PLA2G6: variants seen among roughly 807,000 people sequenced by gnomAD.
The protein encoded by PLA2G6 is phospholipase A2 group VI.
Under a neutral mutation model 83.8 loss-of-function variants are expected in PLA2G6, and 62 were observed. The observed-to-expected ratio is 0.74, with a 90% CI of 0.60 to 0.91. PLA2G6 has a LOEUF of 0.91. PLA2G6 is among the 40% of genes least tolerant of loss of function. The pLI is 0.00. For missense variants in PLA2G6, 944 were observed against 1,102.0 expected (o/e 0.86, Z 2.03); for synonymous variants, 417 against 449.8 (o/e 0.93, Z 0.92).
intron 14 of PLA2G6, among the ~76,000 whole-genome samples, chr22:38,114,041 C>G (rs1361543903): frequency 6.6e-6 from 1 of 152,202 alleles, no homozygotes; most frequent in African/African-American, 2.4e-5. Flanking sequence ...CATTTAATCT[C>G]CAGCCAGTCT....
intron 1 of PLA2G6, among the ~76,000 whole-genome samples, chr22:38,177,935 A>C (rs2090699735): frequency 6.6e-6 from 1 of 152,220 alleles, no homozygotes; most frequent in African/African-American, 2.4e-5. Flanking sequence ...GAAAGCTGAA[A>C]GAAGGTGGCT....
intron 12 of PLA2G6, among the ~76,000 whole-genome samples, chr22:38,117,813 G>A (rs979158761): frequency 2.6e-5 from 4 of 151,982 alleles, no homozygotes; most frequent in African/African-American, 9.7e-5. Flanking sequence ...CGAGGTGGGT[G>A]GATCACGAGG....
At chr22:38,150,066 A>C (rs1244137481) in intron 2 of PLA2G6, 3 of 151,478 alleles carry the variant, frequency 2.0e-5, no homozygotes, top group African/African-American at 4.9e-5. Context: ...AAAAAAAAAA[A>C]AACACATAGA....
chr22:38,149,564 G>C (rs970428686), intron 2 of PLA2G6: 4 of 152,150 alleles, frequency 2.6e-5, no homozygotes, highest in Non-Finnish European at 5.9e-5. Flanking sequence ...CATAAGTGGA[G>C]GATCAGAGGC....
In PLA2G6 at chr22:38,132,832, G is replaced by A. The variant is rs752447880; in HGVS notation, c.1076C>T (p.Ser359Leu). The change falls in exon 7 of 17, where the codon TCG (serine) becomes TTG (leucine). Residue 359 changes from serine to leucine, a missense_variant and splice_region_variant. Ser to Leu is a moderately radical substitution (Grantham distance 145). Transcript: ENST00000332509. The surrounding 1 kb of genome is among the most constrained non-coding windows in gnomAD (Gnocchi z 5.0). ...HGNTPLHLAMSKDNVEMIKAL... is the reference protein window; with the variant it reads ...HGNTPLHLAMLKDNVEMIKAL... ...CAGGACACGCGGTCCTGGGCTCACCGACATGGCCAGGTGCAGCGGGGTGTT... is the reference window on the plus strand; with the variant it reads ...CAGGACACGCGGTCCTGGGCTCACCAACATGGCCAGGTGCAGCGGGGTGTT... 16 of 1,545,352 alleles carry A rather than the reference G, an allele frequency of 1.0e-5. No homozygotes were observed. The highest frequency in any genetic ancestry group is 2.0e-4 in the Middle Eastern group (1 of 5,022).
Position 38,178,305 on chromosome 22 carries a change from T to C in PLA2G6, c.-46+3359A>G, listed in dbSNP as rs2090714826. On this transcript the variant is annotated intron_variant, in intron 1 of 16. Transcript: ENST00000332509. ...AAACAGACTGGTCAGGCACGGCAGT[T>C]CACTCCTGTAATCCCAGCACTTTAG... is the stretch of plus-strand genomic sequence containing the variant. Among the ~76,000 whole-genome samples the C allele has an allele frequency of 2.0e-5, 3 of 152,178 alleles. 1 individual carries two copies. In the South Asian group the frequency reaches 6.2e-4, roughly 31 times the overall value.
intron 1 of PLA2G6, among the ~76,000 whole-genome samples, chr22:38,179,506 T>C (rs752202370): frequency 5.9e-5 from 9 of 152,160 alleles, no homozygotes; most frequent in Non-Finnish European, 1.0e-4. Context: ...GTTTGAGGCC[T>C]GGCGCGGTGG....
intron 2 of PLA2G6, among the ~76,000 whole-genome samples, chr22:38,168,580 T>C (rs771246936): frequency 1.3e-5 from 2 of 152,134 alleles, no homozygotes; most frequent in Non-Finnish European, 2.9e-5. Context: ...CCAGGTGCAG[T>C]GGCTCACGCC....
At position 38,113,469 on chromosome 22, in the gene PLA2G6, G is replaced by A. The variant is rs752506696; in HGVS notation, c.2202+18C>T. 2.0e-5 allele frequency: 32 copies of A among 1,613,020 alleles called. No individual in the cohort carries two copies. The South Asian group carries it at 3.0e-4, about 15-fold the overall frequency. ...CAGACCCTGAGGGAAGTGGCCTGGG[G>A]GAGGGGCCCACACTCACACAGTCCA... On this transcript the variant is annotated intron_variant, in intron 15 of 16. Coordinates refer to ENST00000332509, the MANE Select transcript of PLA2G6 (RefSeq NM_003560.4).
intron 4 of PLA2G6, 85 bp downstream of exon 4, chr22:38,143,020 G>T: frequency 1.6e-6 from 2 of 1,271,882 alleles, no homozygotes; most frequent in Non-Finnish European, 2.3e-6. Flanking sequence ...AGGCCTGAGA[G>T]TGACACCTGA....
intron 6 of PLA2G6, chr22:38,133,472 C>A: frequency 5.0e-6 from 1 of 199,308 alleles, no homozygotes; most frequent in South Asian, 9.2e-5. Flanking sequence ...CCCAGCTTCA[C>A]TCATCCCAGC....
intron 1 of PLA2G6, among the ~76,000 whole-genome samples, chr22:38,171,797 G>A (rs2090448174): frequency 6.6e-6 from 1 of 150,956 alleles, no homozygotes; most frequent in Admixed American, 6.6e-5. Context: ...CTCCAGCCTA[G>A]GTGACAGAGT....
chr22:38,112,094 G>A lies in PLA2G6; in HGVS notation c.*67C>T. ...CCCAGATCTGCCCGGGAGGGCAGTGGCTGGGCTTGGCCTGGCAGGGGCTGA... is the reference window on the plus strand; with the variant it reads ...CCCAGATCTGCCCGGGAGGGCAGTGACTGGGCTTGGCCTGGCAGGGGCTGA... On this transcript the variant is annotated 3_prime_UTR_variant, in exon 17 of 17. Transcript: ENST00000332509. 5 of 1,529,248 alleles carry A rather than the reference G, an allele frequency of 3.3e-6. No individual in the cohort carries two copies. Among genetic ancestry groups the A allele is most frequent in the Non-Finnish European group, 4.4e-6 (5 of 1,128,424 alleles). 94.7% of individuals were successfully genotyped at this position (1,529,248 alleles called of 1,614,324 possible).
At chr22:38,157,982 G>A (rs1232951173) in intron 2 of PLA2G6, among the ~76,000 whole-genome samples, 1 of 151,600 alleles carries the variant, frequency 6.6e-6, no homozygotes, top group Non-Finnish European at 1.5e-5. Context: ...GTTGCAGTGA[G>A]CTGAGATTGC....
chr22:38,160,284 T>C (rs1223448824), intron 2 of PLA2G6, among the ~76,000 whole-genome samples: 1 of 152,196 alleles, frequency 6.6e-6, no homozygotes, highest in East Asian at 1.9e-4. Flanking sequence ...TTACTGCTGC[T>C]TGGAAAACAG....
At chr22:38,167,215 G>A (rs132982) in intron 2 of PLA2G6, among the ~76,000 whole-genome samples, 16,416 of 138,134 alleles carry the variant, frequency 0.12, 1,128 homozygotes, top group African/African-American at 0.18. Flanking sequence ...GTGACAGAGC[G>A]AGACTCTGTC....
Position 38,165,976 on chromosome 22 carries a change from G to A in PLA2G6, c.209+3242C>T, listed in dbSNP as rs757987122. Among the ~76,000 whole-genome samples, 9 of 152,312 alleles carry A rather than the reference G, an allele frequency of 5.9e-5. No homozygotes were observed. The South Asian group carries it at 6.2e-4, about 11-fold the overall frequency. ...ATCAGATTTGCCCTCTGGAAACAGCGCTGTGACAGCAGCTTGGAAGAGGAT... is the reference window on the plus strand; with the variant it reads ...ATCAGATTTGCCCTCTGGAAACAGCACTGTGACAGCAGCTTGGAAGAGGAT... On this transcript the variant is annotated intron_variant, in intron 2 of 16. Coordinates refer to ENST00000332509, the MANE Select transcript of PLA2G6 (RefSeq NM_003560.4).
In PLA2G6 at chr22:38,112,210, TCA is replaced by T. The variant is rs587784353; in HGVS notation, c.2370_2371del (p.Tyr790Ter). On this transcript the variant is annotated stop_gained and frameshift_variant, in exon 17 of 17. Transcript: ENST00000332509. LOFTEE classifies it high-confidence loss of function. ...GAGCTTCTGGAACTCCTCGCGGTGCTCATAGATGTAGACCTCGGTCTCCCAGA... is the reference window on the plus strand; with the variant it reads ...GAGCTTCTGGAACTCCTCGCGGTGCTTAGATGTAGACCTCGGTCTCCCAGA... 6.6e-5 allele frequency: 107 copies of T among 1,609,896 alleles called. No individual in the cohort carries two copies. Among genetic ancestry groups the T allele is most frequent in the Non-Finnish European group, 8.9e-5 (105 of 1,178,352 alleles).
chr22:38,149,015 G>A, intron 2 of PLA2G6: 1 of 157,426 alleles, frequency 6.4e-6, no homozygotes, highest in Non-Finnish European at 1.4e-5. Context: ...ACAGGAACGT[G>A]CCACCATGCT....
Sources: allele counts gnomAD v4.1 joint callset (sites outside exome capture counted in the v4.1 genomes callset), GRCh38; gene constraint gnomAD v4.1.1; non-coding constraint Gnocchi (gnomAD v3.1); transcripts MANE v1.5; gene names NCBI Gene and HGNC (gene_info 2026-07-23, HGNC 2026-07-21).